Variants in DOCK5 observed in about 807,000 individuals in gnomAD.
The protein encoded by DOCK5 is dedicator of cytokinesis protein 5.
A neutral mutation model predicts 251.8 loss-of-function variants in DOCK5; 142 were observed. The observed-to-expected ratio is 0.56, with a 90% CI of 0.49 to 0.65. The LOEUF is 0.65. DOCK5 is among the 30% of genes least tolerant of loss of function. The pLI is 0.00. For synonymous variants in DOCK5, 842 were observed against 835.5 expected, an observed-to-expected ratio of 1.01 and a Z score of -0.13; for missense variants, 2,111 against 2,312.3, an observed-to-expected ratio of 0.91 and a Z score of 1.79.
intron 1 of DOCK5, among the ~76,000 whole-genome samples, chr8:25,241,887 G>A (rs1802957988): frequency 6.6e-6 from 1 of 151,946 alleles, no homozygotes; most frequent in African/African-American, 2.4e-5. Flanking sequence ...ATCATTCTCA[G>A]CAAAGTAACA....
intron 5 of DOCK5, among the ~76,000 whole-genome samples, chr8:25,282,049 A>G (rs542283820): frequency 4.7e-4 from 72 of 152,354 alleles, no homozygotes; most frequent in African/African-American, 1.7e-3. Context: ...AGAAATTCTC[A>G]GTCAGTCGAT....
chr8:25,409,142 T>C (rs1029963797), intron 50 of DOCK5, among the ~76,000 whole-genome samples: 11 of 152,224 alleles, frequency 7.2e-5, no homozygotes, highest in African/African-American at 2.7e-4. Context: ...TGGATAGTGA[T>C]CCAAAGGGCA....
chr8:25,278,305 C>T (rs889296440), intron 4 of DOCK5, among the ~76,000 whole-genome samples: 2 of 152,076 alleles, frequency 1.3e-5, no homozygotes, highest in African/African-American at 4.8e-5. Flanking sequence ...ATCGAGTCTC[C>T]TGGAGAAATC....
chr8:25,401,097 T>G (rs756218135), intron 47 of DOCK5, 31 bp downstream of exon 47: 1 of 1,609,100 alleles, frequency 6.2e-7, no homozygotes, highest in Non-Finnish European at 8.5e-7. Flanking sequence ...CTTCACACCT[T>G]TTTCTAGGCT....
At chr8:25,258,782 A>G (rs941716275) in intron 2 of DOCK5, among the ~76,000 whole-genome samples, 1 of 152,222 alleles carries the variant, frequency 6.6e-6, no homozygotes, top group Admixed American at 6.5e-5. Context: ...TGCCTGCTGC[A>G]TGCCAGGCAC....
chr8:25,265,099 TC>T (rs1436155878), intron 2 of DOCK5, among the ~76,000 whole-genome samples: 3 of 151,576 alleles, frequency 2.0e-5, no homozygotes, highest in Non-Finnish European at 4.4e-5. Flanking sequence ...CACATTGGCA[TC>T]ACCATCTCCA....
At chr8:25,380,716 T>C (rs1801049521) in intron 39 of DOCK5, among the ~76,000 whole-genome samples, 1 of 152,234 alleles carries the variant, frequency 6.6e-6, no homozygotes, top group African/African-American at 2.4e-5. Flanking sequence ...TCTCTCATTC[T>C]TCCTGAAGCC....
rs1434427287 is a variant in DOCK5, at chr8:25,383,984, A to G, written c.4131+1206A>G. Among the ~76,000 whole-genome samples the G allele has an allele frequency of 1.8e-4, 27 of 152,256 alleles. 1 individual carries two copies. The highest frequency in any genetic ancestry group is 1.8e-3 in the Admixed American group (27 of 15,286). ...ACAAAAAATGTACAGGAATATTTAT[A>G]GCAGCTTTAATCATAGTCACCAAAG... On this transcript the variant is annotated intron_variant, in intron 40 of 51. Coordinates refer to ENST00000276440, the MANE Select transcript of DOCK5 (RefSeq NM_024940.8).
intron 2 of DOCK5, among the ~76,000 whole-genome samples, chr8:25,253,438 A>G (rs1368991759): frequency 1.3e-5 from 2 of 152,200 alleles, no homozygotes; most frequent in Admixed American, 1.3e-4. Flanking sequence ...ATGCACACAC[A>G]TACCTGCTCA....
At position 25,354,053 on chromosome 8, in the gene DOCK5, CAAAAAAAAAAA is replaced by C. The variant is rs1563213094; in HGVS notation, c.2850+2228_2850+2238del. ...AAAAAAAAAAAAAAAAAAAAACAAA[CAAAAAAAAAAA>C]CGTAGGAGAGAAAACTAGTCAAATC... On this transcript the variant is annotated intron_variant, in intron 27 of 51. Coordinates refer to ENST00000276440, the MANE Select transcript of DOCK5 (RefSeq NM_024940.8). 2.9e-4 allele frequency among the ~76,000 whole-genome samples: 7 copies of C among 23,892 alleles called. 1 individual carries two copies. The highest frequency in any genetic ancestry group is 1.5e-3 in the Admixed American group (3 of 2,016). 15.7% of individuals were successfully genotyped at this position (23,892 alleles called of 152,430 possible). A position where few individuals can be genotyped will look rare whatever the true frequency, so the allele number is the denominator to read the frequency against.
chr8:25,287,522 T>G (rs1403818508), intron 5 of DOCK5, among the ~76,000 whole-genome samples: 2 of 152,170 alleles, frequency 1.3e-5, no homozygotes, highest in Non-Finnish European at 2.9e-5. Context: ...TTTAAGCAAA[T>G]GCAGGAATAT....
intron 11 of DOCK5, 52 bp downstream of exon 11, chr8:25,304,379 C>A: frequency 6.7e-7 from 1 of 1,483,166 alleles, no homozygotes; most frequent in African/African-American, 1.4e-5. Flanking sequence ...ATTAGCCATT[C>A]AATTGTCTTT....
At chr8:25,354,132 A>T (rs2117254953) in intron 27 of DOCK5, among the ~76,000 whole-genome samples, 1 of 151,528 alleles carries the variant, frequency 6.6e-6, no homozygotes, top group African/African-American at 2.4e-5. Flanking sequence ...ATGTTTTAAC[A>T]GCATTGCTTC....
intron 1 of DOCK5, among the ~76,000 whole-genome samples, chr8:25,194,559 C>A (rs567465232): frequency 6.6e-6 from 1 of 152,126 alleles, no homozygotes; most frequent in Non-Finnish European, 1.5e-5. Context: ...TCTCATCCCC[C>A]GCCTTGGCTC....
At chr8:25,194,850 G>C (rs1801679248) in intron 1 of DOCK5, among the ~76,000 whole-genome samples, 1 of 152,082 alleles carries the variant, frequency 6.6e-6, no homozygotes, top group African/African-American at 2.4e-5. Flanking sequence ...TATGTCCTCA[G>C]ATTACTGCTG....
intron 40 of DOCK5, among the ~76,000 whole-genome samples, chr8:25,384,447 A>ATTTT (rs1563225050): frequency 3.2e-4 from 8 of 25,282 alleles, no homozygotes; most frequent in Non-Finnish European, 1.2e-4. Context: ...TTATTTATTT[A>ATTTT]TTTATTTATT....
rs114444112 is a variant in DOCK5, at chr8:25,217,393, G to C, written c.44-26281G>C. ...CTTAGTAATGAACAACTTAAAAACG[G>C]GGAACTGAAGTTAGGGGTTTGAGTC... On this transcript the variant is annotated intron_variant, in intron 1 of 51. Transcript: ENST00000276440. Among the ~76,000 whole-genome samples, 609 of 152,048 alleles carry C rather than the reference G, an allele frequency of 4.0e-3. 4 individuals carry two copies. The highest frequency in any genetic ancestry group is 0.014 in the African/African-American group (587 of 41,434).
At chr8:25,306,717 AAAAT>A (rs1354593196) in intron 11 of DOCK5, among the ~76,000 whole-genome samples, 8 of 152,046 alleles carry the variant, frequency 5.3e-5, no homozygotes, top group East Asian at 1.9e-4. Flanking sequence ...TAAATAAAAT[AAAAT>A]AAATAAATAA....
At chr8:25,189,829 C>G (rs1314983242) in intron 1 of DOCK5, among the ~76,000 whole-genome samples, 1 of 152,188 alleles carries the variant, frequency 6.6e-6, no homozygotes, top group African/African-American at 2.4e-5. Context: ...CGGAGTAGAG[C>G]TTTGAATGCT....
Sources: allele counts gnomAD v4.1 joint callset (sites outside exome capture counted in the v4.1 genomes callset), GRCh38; gene constraint gnomAD v4.1.1; transcripts MANE v1.5; gene names NCBI Gene and HGNC (gene_info 2026-07-23, HGNC 2026-07-21).